NPAS3: variants seen among roughly 807,000 people sequenced by gnomAD.
NPAS3 encodes the protein neuronal PAS domain protein 3.
NPAS3 carries 14 observed loss-of-function variants against 73.1 expected under a neutral mutation model. The observed-to-expected ratio is 0.19, with a 90% CI of 0.13 to 0.30. The LOEUF is 0.30. NPAS3 is among the 10% of genes least tolerant of loss of function. The pLI is 1.00. For synonymous variants in NPAS3, 620 were observed against 541.5 expected, an observed-to-expected ratio of 1.14 and a Z score of -2.01; for missense variants, 1,096 against 1,250.0, an observed-to-expected ratio of 0.88 and a Z score of 1.86.
chr14:33,382,870 T>C lies in NPAS3; in HGVS notation c.468+15602T>C, dbSNP rs542372554. Among the ~76,000 whole-genome samples, 10 of 152,194 alleles carry C rather than the reference T, an allele frequency of 6.6e-5. No individual in the cohort carries two copies. In the South Asian group the frequency reaches 2.1e-3, roughly 32 times the overall value. On this transcript the variant is annotated intron_variant, in intron 4 of 11. Transcript: ENST00000356141. The stretch of plus-strand genomic sequence containing the variant: ...AACTTTGGGAGACAGGTGGGAAGAT[T>C]GCTTCAGCCCAGTAGTTTCAAATCA...
At position 33,472,915 on chromosome 14, in the gene NPAS3, T is replaced by G. The variant is rs77527940; in HGVS notation, c.469-87206T>G. ...AAAGGCTTATAAGAAAACCTAGAGA[T>G]AGAATGCGGATGGAAACCATTTAAA... On this transcript the variant is annotated intron_variant, in intron 4 of 11. Coordinates refer to ENST00000356141, the Ensembl canonical transcript of NPAS3. Among the ~76,000 whole-genome samples the G allele has an allele frequency of 5.1e-3, 771 of 150,824 alleles. 61 individuals carry two copies. The highest frequency in any genetic ancestry group is 0.018 in the African/African-American group (729 of 40,188).
At chr14:33,059,930 G>A (rs2041034557) in intron 2 of NPAS3, among the ~76,000 whole-genome samples, 2 of 152,006 alleles carry the variant, frequency 1.3e-5, no homozygotes, top group South Asian at 4.2e-4. Context: ...ACAGGTGCAT[G>A]CCCCCATGTC....
At chr14:33,368,732 C>T (rs1028653755) in intron 4 of NPAS3, among the ~76,000 whole-genome samples, 4 of 152,082 alleles carry the variant, frequency 2.6e-5, no homozygotes, top group East Asian at 1.9e-4. Context: ...GGATTAGTTT[C>T]GAGGACACAG....
intron 3 of NPAS3, among the ~76,000 whole-genome samples, chr14:33,228,507 T>G (rs1421856367): frequency 6.6e-6 from 1 of 152,220 alleles, no homozygotes; most frequent in Non-Finnish European, 1.5e-5. Flanking sequence ...AATTTTGGCT[T>G]AATAGATATA....
At chr14:33,091,406 C>T (rs2042220284) in intron 2 of NPAS3, among the ~76,000 whole-genome samples, 1 of 152,154 alleles carries the variant, frequency 6.6e-6, no homozygotes, top group Non-Finnish European at 1.5e-5. Flanking sequence ...TGGATAAATT[C>T]CTTGACACAT....
chr14:33,329,641 A>C (rs1052067999), intron 3 of NPAS3, among the ~76,000 whole-genome samples: 2 of 152,064 alleles, frequency 1.3e-5, no homozygotes, highest in African/African-American at 2.4e-5. Flanking sequence ...TGGGGTAGGC[A>C]GGGGCACGAT....
intron 1 of NPAS3, among the ~76,000 whole-genome samples, chr14:32,977,380 A>ACACACACACACC (rs1347224452): frequency 1.0e-3 from 155 of 150,924 alleles, no homozygotes; most frequent in African/African-American, 3.3e-3. Context: ...ACACACACAC[A>ACACACACACACC]CCCCTAATCT....
chr14:33,002,964 G>C (rs548247154), intron 1 of NPAS3, among the ~76,000 whole-genome samples: 20 of 152,226 alleles, frequency 1.3e-4, no homozygotes, highest in African/African-American at 3.9e-4. Context: ...AGTTAGGCTA[G>C]AGCATCTTCA....
chr14:33,206,041 G>T (rs2139620285), intron 2 of NPAS3, among the ~76,000 whole-genome samples: 1 of 152,236 alleles, frequency 6.6e-6, no homozygotes, highest in South Asian at 2.1e-4. Flanking sequence ...TTATAAGCCT[G>T]AAAATAGGGG....
At chr14:33,444,131 G>A (rs1393986492) in intron 4 of NPAS3, among the ~76,000 whole-genome samples, 2 of 152,146 alleles carry the variant, frequency 1.3e-5, no homozygotes, top group Admixed American at 6.5e-5. Flanking sequence ...CCCTAGTCAT[G>A]GAATTATGTC....
intron 5 of NPAS3, among the ~76,000 whole-genome samples, chr14:33,610,289 T>A (rs561516102): frequency 7.9e-5 from 12 of 152,158 alleles, no homozygotes; most frequent in African/African-American, 1.2e-4. Context: ...ATGCCTCTCT[T>A]TTGAGTATAG....
At chr14:33,746,671 A>G (rs1311651727) in intron 7 of NPAS3, among the ~76,000 whole-genome samples, 3 of 152,146 alleles carry the variant, frequency 2.0e-5, no homozygotes, top group Non-Finnish European at 4.4e-5. Flanking sequence ...ATTCTGCAAG[A>G]GAAATTACCG....
intron 2 of NPAS3, among the ~76,000 whole-genome samples, chr14:33,170,262 G>A (rs993222355): frequency 6.6e-6 from 1 of 152,122 alleles, no homozygotes; most frequent in African/African-American, 2.4e-5. Context: ...TAGTCTAAGG[G>A]TGCAATAGCC....
At chr14:33,012,458 T>TA (rs777496347) in intron 1 of NPAS3, among the ~76,000 whole-genome samples, 193 of 152,328 alleles carry the variant, frequency 1.3e-3, no homozygotes, top group Non-Finnish European at 2.2e-3. Context: ...TCTTTTAACT[T>TA]AGAGTTTCAC....
chr14:33,616,860 G>C (rs2057934956), intron 5 of NPAS3, among the ~76,000 whole-genome samples: 1 of 152,192 alleles, frequency 6.6e-6, no homozygotes, highest in Admixed American at 6.5e-5. Context: ...TGTCAGCCGA[G>C]TTTGTCCTGT....
At chr14:33,786,986 G>C (rs1404859449) in intron 9 of NPAS3, among the ~76,000 whole-genome samples, 1 of 152,026 alleles carries the variant, frequency 6.6e-6, no homozygotes, top group East Asian at 1.9e-4. Context: ...TCAGTTCCTA[G>C]CCTTAATTTT....
intron 4 of NPAS3, among the ~76,000 whole-genome samples, chr14:33,478,580 C>A (rs752081870): frequency 2.6e-5 from 4 of 152,138 alleles, no homozygotes; most frequent in Non-Finnish European, 5.9e-5. Flanking sequence ...TGATTTATAT[C>A]ATACCTGGAA....
At chr14:33,556,096 G>T (rs1426968691) in intron 4 of NPAS3, among the ~76,000 whole-genome samples, 1 of 152,134 alleles carries the variant, frequency 6.6e-6, no homozygotes, top group Non-Finnish European at 1.5e-5. Flanking sequence ...AAAAAAACTG[G>T]CCAGTTCTTA....
intron 7 of NPAS3, among the ~76,000 whole-genome samples, chr14:33,737,412 G>T (rs2061549191): frequency 6.6e-6 from 1 of 152,080 alleles, no homozygotes; most frequent in Admixed American, 6.6e-5. Context: ...GAACATCCAG[G>T]ATTGGAAAAG....
Sources: allele counts gnomAD v4.1 joint callset (sites outside exome capture counted in the v4.1 genomes callset), GRCh38; gene constraint gnomAD v4.1.1; transcripts MANE v1.5; gene names NCBI Gene and HGNC (gene_info 2026-07-23, HGNC 2026-07-21).